The following PGGT1B variants were observed in gnomAD, a reference collection of about 807,000 sequenced individuals.
PGGT1B encodes the protein protein geranylgeranyltransferase type I subunit beta.
Under a neutral mutation model 46.1 loss-of-function variants are expected in PGGT1B, and 30 were observed. The ratio of observed to expected loss-of-function variants is 0.65; its 90% CI spans 0.49 to 0.88. The LOEUF (loss-of-function observed/expected upper bound fraction) is 0.88. Among genes scored for constraint, PGGT1B ranks in the 40% least tolerant of loss-of-function variants. The probability of loss-of-function intolerance (pLI) is 0.00; values close to 1 mark genes in which losing one functional copy is unlikely to be tolerated. For missense variants in PGGT1B, 376 were observed against 455.9 expected, an observed-to-expected ratio of 0.82 and a Z score of 1.60; for synonymous variants, 170 against 160.0, an observed-to-expected ratio of 1.06 and a Z score of -0.47.
At chr5:115,254,338 C>T (rs879107202) in intron 1 of PGGT1B, among the ~76,000 whole-genome samples, 1 of 151,908 alleles carries the variant, frequency 6.6e-6, no homozygotes, top group Admixed American at 6.6e-5. Context: ...GATGATACCC[C>T]ACTGGGACAG....
chr5:115,253,098 C>G, intron 2 of PGGT1B, 39 bp downstream of exon 2: 1 of 1,580,802 alleles, frequency 6.3e-7, no homozygotes. Context: ...TCAGGTACAA[C>G]CAGTCACACT....
At position 115,212,386 on chromosome 5, in the gene PGGT1B, C is replaced by G; in HGVS notation, c.*16G>C. ...GTTATGCTACAAATCCCCCCACCCT[C>G]CCAATCTAAAATCAGTCATGTGGAG... is the stretch of plus-strand genomic sequence containing the variant. On this transcript the variant is annotated 3_prime_UTR_variant, in exon 9 of 9. Transcript: ENST00000419445. 3 of 1,598,808 alleles carry G rather than the reference C, an allele frequency of 1.9e-6. No individual in the cohort carries two copies. The highest frequency in any genetic ancestry group is 1.7e-6 in the Non-Finnish European group (2 of 1,169,140).
chr5:115,248,752 T>A (rs899499998), intron 2 of PGGT1B, among the ~76,000 whole-genome samples: 1 of 152,218 alleles, frequency 6.6e-6, no homozygotes, highest in African/African-American at 2.4e-5. Context: ...GTGCCAGATG[T>A]CAATCCGATT....
At chr5:115,242,742 G>A (rs1277253303) in intron 2 of PGGT1B, among the ~76,000 whole-genome samples, 2 of 152,218 alleles carry the variant, frequency 1.3e-5, no homozygotes, top group Admixed American at 6.5e-5. Flanking sequence ...AGAGGAGGGC[G>A]GATCACCTGA....
At chr5:115,246,355 C>CAAA (rs59252027) in intron 2 of PGGT1B, among the ~76,000 whole-genome samples, 1 of 118,604 alleles carries the variant, frequency 8.4e-6, no homozygotes, top group Admixed American at 8.6e-5. Flanking sequence ...TACTCCATTT[C>CAAA]AAAAAAAAAA....
chr5:115,220,152 G>A (rs1033304699), intron 7 of PGGT1B, among the ~76,000 whole-genome samples: 1 of 151,746 alleles, frequency 6.6e-6, no homozygotes, highest in African/African-American at 2.4e-5. Context: ...ATACACCCAT[G>A]TTTTTAGCAG....
chr5:115,218,961 T>C (rs952761347), intron 7 of PGGT1B, among the ~76,000 whole-genome samples: 10 of 151,974 alleles, frequency 6.6e-5, no homozygotes, highest in Non-Finnish European at 1.5e-4. Flanking sequence ...AGACCACCTA[T>C]ATAAATGGAA....
intron 2 of PGGT1B, among the ~76,000 whole-genome samples, chr5:115,248,687 T>C (rs564038188): frequency 4.1e-4 from 62 of 152,332 alleles, no homozygotes; most frequent in African/African-American, 1.5e-3. Context: ...CCAAACGTGA[T>C]TGTCTCCACT....
chr5:115,227,426 T>C (rs987079974), intron 6 of PGGT1B, among the ~76,000 whole-genome samples: 2 of 152,316 alleles, frequency 1.3e-5, no homozygotes, highest in Admixed American at 6.5e-5. Context: ...AAGGCAGTGA[T>C]GCTGGTAGAG....
intron 8 of PGGT1B, among the ~76,000 whole-genome samples, chr5:115,214,889 G>T (rs1004249446): frequency 2.0e-5 from 3 of 152,158 alleles, no homozygotes; most frequent in Admixed American, 6.5e-5. Flanking sequence ...AGGCACTAGA[G>T]ATATCAAAAA....
At chr5:115,255,712 G>A (rs1318061509) in intron 1 of PGGT1B, among the ~76,000 whole-genome samples, 1 of 152,110 alleles carries the variant, frequency 6.6e-6, no homozygotes, top group East Asian at 1.9e-4. Flanking sequence ...ATAAAAACAA[G>A]TTGGCATTTT....
rs559165096 is a variant in PGGT1B at position 115,244,242 on chromosome 5, G to C, written c.260-2636C>G. Among the ~76,000 whole-genome samples the C allele has an allele frequency of 2.6e-5, 4 of 151,738 alleles. No homozygotes were observed. The South Asian group carries it at 8.3e-4, about 32-fold the overall frequency. On this transcript the variant is annotated intron_variant, in intron 2 of 8. Coordinates refer to ENST00000419445, the MANE Select transcript of PGGT1B (RefSeq NM_005023.4). ...GCACTTTGGGAGGCCGAGACGGGCGGATCACGAGGTCAGGAGATCAAGACC... is the reference window on the plus strand; with the variant it reads ...GCACTTTGGGAGGCCGAGACGGGCGCATCACGAGGTCAGGAGATCAAGACC...
At position 115,256,134 on chromosome 5, in the gene PGGT1B, A is replaced by G. The variant is rs531832797; in HGVS notation, c.141-2879T>C. On this transcript the variant is annotated intron_variant, in intron 1 of 8. Transcript: ENST00000419445. Reference sequence around the variant, plus strand: ...CTCTACTGGGAACACTGACCCTAACATAATATATCATAATCAAACATTCTT... The same window carrying G: ...CTCTACTGGGAACACTGACCCTAACGTAATATATCATAATCAAACATTCTT... Among the ~76,000 whole-genome samples the G allele has an allele frequency of 6.0e-4, 91 of 152,320 alleles. No individual in the cohort carries two copies. In the South Asian group the frequency reaches 7.5e-3, roughly 13 times the overall value.
chr5:115,238,457 C>A (rs894053026), intron 3 of PGGT1B, among the ~76,000 whole-genome samples: 4 of 151,736 alleles, frequency 2.6e-5, no homozygotes, highest in Non-Finnish European at 5.9e-5. Flanking sequence ...CAGGCACAAA[C>A]CACCATGCCT....
chr5:115,215,371 T>C (rs1756383954), intron 8 of PGGT1B, among the ~76,000 whole-genome samples: 2 of 152,118 alleles, frequency 1.3e-5, no homozygotes, highest in Non-Finnish European at 2.9e-5. Context: ...TGACCTTGGC[T>C]CACTGCAACC....
chr5:115,237,763 T>G (rs960510352), intron 4 of PGGT1B, 95 bp downstream of exon 4: 20 of 1,032,654 alleles, frequency 1.9e-5, no homozygotes, highest in Non-Finnish European at 2.6e-5. Context: ...TAATAGAGTA[T>G]GATCCTCTAA....
intron 5 of PGGT1B, among the ~76,000 whole-genome samples, chr5:115,236,076 A>G (rs1331767576): frequency 6.6e-6 from 1 of 152,122 alleles, no homozygotes; most frequent in Non-Finnish European, 1.5e-5. Flanking sequence ...AGGACTCTCT[A>G]CTAACTCCTG....
At chr5:115,228,016 A>G (rs916038212) in intron 6 of PGGT1B, among the ~76,000 whole-genome samples, 3 of 152,230 alleles carry the variant, frequency 2.0e-5, no homozygotes, top group Admixed American at 2.0e-4. Flanking sequence ...AAAATTCCAG[A>G]TTGCTGGCTT....
At chr5:115,241,448 C>T (rs1757341904) in intron 3 of PGGT1B, 91 bp downstream of exon 3, 7 of 637,918 alleles carry the variant, frequency 1.1e-5, no homozygotes, top group African/African-American at 5.7e-5. Context: ...AATCTGGAAG[C>T]CTGTTTTTTT....
Sources: gnomAD v4.1 joint callset for allele counts (sites outside exome capture counted in the v4.1 genomes callset) on GRCh38, gnomAD v4.1.1 for gene constraint, MANE v1.5 for transcripts, NCBI Gene and HGNC (gene_info 2026-07-23, HGNC 2026-07-21) for gene names.